The following CSMD3 variants were observed in gnomAD, a reference collection of about 807,000 sequenced individuals.
CSMD3 encodes the protein CUB and sushi domain-containing protein 3.
A neutral mutation model predicts 435.2 loss-of-function variants in CSMD3; 177 were observed. That is an observed-to-expected ratio of 0.41 (90% CI 0.36 to 0.46). CSMD3 has a LOEUF of 0.46. Ranked by LOEUF, CSMD3 falls within the 20% of genes least tolerant of loss-of-function variation. CSMD3 has a pLI of 0.34. For missense variants in CSMD3, 4,265 were observed against 4,504.6 expected (o/e 0.95, Z 1.52); for synonymous variants, 1,656 against 1,520.5 (o/e 1.09, Z -2.07).
chr8:112,268,643 A>G (rs1349439574), intron 59 of CSMD3, among the ~76,000 whole-genome samples: 1 of 152,186 alleles, frequency 6.6e-6, no homozygotes. Context: ...CCAAAGACCT[A>G]TGGACTGGTG....
chr8:112,320,445 A>C (rs1043807402), intron 45 of CSMD3, among the ~76,000 whole-genome samples: 17 of 152,068 alleles, frequency 1.1e-4, no homozygotes, highest in African/African-American at 4.1e-4. Context: ...ATCCTCACAA[A>C]AAAAATTTTC....
At chr8:112,584,044 CA>C (rs956562234) in intron 23 of CSMD3, among the ~76,000 whole-genome samples, 9 of 148,858 alleles carry the variant, frequency 6.0e-5, no homozygotes, top group Non-Finnish European at 8.9e-5. Flanking sequence ...AAATGTTTTA[CA>C]AAAAAAAAGT....
At chr8:112,599,324 A>G (rs1277002488) in intron 22 of CSMD3, among the ~76,000 whole-genome samples, 4 of 150,608 alleles carry the variant, frequency 2.7e-5, no homozygotes, top group African/African-American at 4.9e-5. Context: ...ATGAGATACC[A>G]TCTCACACCA....
intron 34 of CSMD3, among the ~76,000 whole-genome samples, chr8:112,407,534 C>T (rs1043102377): frequency 1.1e-4 from 16 of 151,906 alleles, no homozygotes; most frequent in African/African-American, 3.6e-4. Flanking sequence ...TAATTCCATT[C>T]ATTATAGTGC....
intron 32 of CSMD3, among the ~76,000 whole-genome samples, chr8:112,415,938 G>A (rs1436853587): frequency 6.6e-6 from 1 of 152,118 alleles, no homozygotes; most frequent in East Asian, 1.9e-4. Flanking sequence ...TAACTAACTT[G>A]CTTTTGCTTT....
At chr8:113,386,703 T>A (rs1053061825) in intron 1 of CSMD3, among the ~76,000 whole-genome samples, 1 of 151,834 alleles carries the variant, frequency 6.6e-6, no homozygotes. Flanking sequence ...CCAATCTTCT[T>A]AAAAATGTGA....
In CSMD3 at chr8:113,032,150, GGT is replaced by G. The variant is rs1367620658; in HGVS notation, c.918-12973_918-12972del. ...TGATAACAGACTAATACAGAGAGTT[GGT>G]ACTAGTAGAGCGAGTTACTCCTATA... is the stretch of plus-strand genomic sequence containing the variant. On this transcript the variant is annotated intron_variant, in intron 5 of 70. Transcript: ENST00000297405. Among the ~76,000 whole-genome samples the G allele has an allele frequency of 2.6e-5, 4 of 151,564 alleles. No homozygotes were observed. The East Asian group carries it at 7.7e-4, about 29-fold the overall frequency.
intron 6 of CSMD3, among the ~76,000 whole-genome samples, chr8:112,999,725 T>C (rs577406512): frequency 1.4e-4 from 22 of 151,750 alleles, no homozygotes; most frequent in African/African-American, 5.3e-4. Context: ...TGAAGTAGTC[T>C]ATTGCGAATG....
At chr8:113,344,146 A>G (rs569247376) in intron 1 of CSMD3, among the ~76,000 whole-genome samples, 2 of 152,270 alleles carry the variant, frequency 1.3e-5, no homozygotes, top group African/African-American at 4.8e-5. Context: ...GAACAAAACA[A>G]TCTTGAAATT....
chr8:112,731,062 A>T (rs897645143), intron 13 of CSMD3, among the ~76,000 whole-genome samples: 1 of 152,152 alleles, frequency 6.6e-6, no homozygotes, highest in Non-Finnish European at 1.5e-5. Flanking sequence ...AATTTTAAAA[A>T]GTCCTTTGTT....
intron 1 of CSMD3, among the ~76,000 whole-genome samples, chr8:113,378,134 G>A (rs2094397564): frequency 6.6e-6 from 1 of 152,112 alleles, no homozygotes; most frequent in Admixed American, 6.5e-5. Flanking sequence ...TTCTACTATA[G>A]GCATAACCCT....
intron 9 of CSMD3, among the ~76,000 whole-genome samples, chr8:112,930,898 C>G (rs111381374): frequency 6.6e-6 from 1 of 151,994 alleles, no homozygotes; most frequent in Non-Finnish European, 1.5e-5. Flanking sequence ...TATGGAGGTG[C>G]TGACAAGGAA....
intron 5 of CSMD3, among the ~76,000 whole-genome samples, chr8:113,031,842 G>A (rs767350540): frequency 1.3e-5 from 2 of 151,562 alleles, no homozygotes; most frequent in Non-Finnish European, 2.9e-5. Flanking sequence ...ATATCCACAT[G>A]TTGAAAGAGG....
intron 1 of CSMD3, among the ~76,000 whole-genome samples, chr8:113,417,673 C>T (rs1037786175): frequency 6.6e-6 from 1 of 151,660 alleles, no homozygotes; most frequent in African/African-American, 2.4e-5. Flanking sequence ...TTTTTTCTTC[C>T]TTTTTGAAAG....
chr8:112,503,141 G>C (rs1822148176), intron 30 of CSMD3, among the ~76,000 whole-genome samples: 1 of 152,106 alleles, frequency 6.6e-6, no homozygotes, highest in African/African-American at 2.4e-5. Flanking sequence ...GCCTGCAGTG[G>C]CATGATCATA....
chr8:112,726,186 TCTCTCA>T (rs971996285), intron 13 of CSMD3, among the ~76,000 whole-genome samples: 3 of 152,018 alleles, frequency 2.0e-5, no homozygotes, highest in Non-Finnish European at 4.4e-5. Flanking sequence ...CTCCACCTGG[TCTCTCA>T]CTTGATACTT....
At chr8:113,427,026 G>A (rs1436503310) in intron 1 of CSMD3, among the ~76,000 whole-genome samples, 5 of 151,142 alleles carry the variant, frequency 3.3e-5, no homozygotes, top group Admixed American at 3.3e-4. Context: ...GACATTATTA[G>A]GATAACTTAT....
chr8:112,558,317 G>T (rs984066365), intron 24 of CSMD3, among the ~76,000 whole-genome samples: 4 of 151,766 alleles, frequency 2.6e-5, no homozygotes, highest in Non-Finnish European at 2.9e-5. Flanking sequence ...ATTCCATAGG[G>T]GTCCTGCCCC....
At position 112,512,820 on chromosome 8, in the gene CSMD3, T is replaced by C. The variant is rs550895813; in HGVS notation, c.4756+4214A>G. On this transcript the variant is annotated intron_variant, in intron 28 of 70. Transcript: ENST00000297405. ...CATCTACATTGAAAACTGTTTTTAA[T>C]GTAGCCACTTTCATCAGTGATCTTA... Among the ~76,000 whole-genome samples the C allele has an allele frequency of 1.4e-4, 21 of 152,348 alleles. No homozygotes were observed. The South Asian group carries it at 4.4e-3, about 32-fold the overall frequency.
Sources: gnomAD v4.1 joint callset for allele counts (sites outside exome capture counted in the v4.1 genomes callset) on GRCh38, gnomAD v4.1.1 for gene constraint, MANE v1.5 for transcripts, NCBI Gene and HGNC (gene_info 2026-07-23, HGNC 2026-07-21) for gene names.